The following NELL1 variants were observed in gnomAD, a reference collection of about 807,000 sequenced individuals.
NELL1 encodes protein kinase C-binding protein NELL1.
Under a neutral mutation model 107.4 loss-of-function variants are expected in NELL1, and 76 were observed. The observed-to-expected ratio is 0.71, with a 90% confidence interval of 0.59 to 0.86. NELL1 has a LOEUF of 0.86. Ranked by LOEUF, NELL1 falls within the 40% of genes least tolerant of loss-of-function variation. The pLI, the probability that NELL1 is intolerant of heterozygous loss-of-function variation, is 0.00. For synonymous variants in NELL1, 353 were observed against 341.2 expected (o/e 1.03, Z -0.38); for missense variants, 1,024 against 1,005.5 (o/e 1.02, Z -0.25).
chr11:20,794,568 AG>A (rs1386810819), intron 3 of NELL1, among the ~76,000 whole-genome samples: 2 of 152,278 alleles, frequency 1.3e-5, no homozygotes, highest in East Asian at 1.9e-4. Context: ...TGGCATCTGG[AG>A]GCTGAATTGA....
chr11:20,851,883 G>T (rs1447083312), intron 4 of NELL1, among the ~76,000 whole-genome samples: 1 of 152,224 alleles, frequency 6.6e-6, no homozygotes, highest in African/African-American at 2.4e-5. Context: ...CCTGGATGCA[G>T]ACAGGAGCCC....
intron 12 of NELL1, among the ~76,000 whole-genome samples, chr11:20,967,042 T>G (rs1431753954): frequency 6.6e-6 from 1 of 152,174 alleles, no homozygotes; most frequent in African/African-American, 2.4e-5. Flanking sequence ...GTTTTGTTTT[T>G]GTTTTGTTTT....
chr11:20,700,069 A>G (rs1179181792), intron 2 of NELL1, among the ~76,000 whole-genome samples: 1 of 152,102 alleles, frequency 6.6e-6, no homozygotes, highest in East Asian at 1.9e-4. Flanking sequence ...TGATGCTTTC[A>G]TTATCAGTCA....
intron 15 of NELL1, among the ~76,000 whole-genome samples, chr11:21,456,898 T>TC (rs965486104): frequency 3.0e-3 from 50 of 16,614 alleles, no homozygotes; most frequent in African/African-American, 0.011. Flanking sequence ...TGAGGTGTTT[T>TC]TTTTCTAAGA....
chr11:21,197,202 C>CTT (rs143247393), intron 13 of NELL1, among the ~76,000 whole-genome samples: 41 of 145,032 alleles, frequency 2.8e-4, no homozygotes, highest in East Asian at 1.4e-3. Flanking sequence ...TTAAGCCAGT[C>CTT]TTTTTTTTTT....
At chr11:21,260,060 GAT>G (rs1272721892) in intron 14 of NELL1, 1 of 151,828 alleles carries the variant, frequency 6.6e-6, no homozygotes, top group Non-Finnish European at 1.5e-5. Context: ...AGATGTGGTG[GAT>G]ATAGCAGGAA....
chr11:21,181,515 T>A (rs1314752157), intron 13 of NELL1, among the ~76,000 whole-genome samples: 1 of 151,894 alleles, frequency 6.6e-6, no homozygotes, highest in Non-Finnish European at 1.5e-5. Context: ...TGGAATCCCA[T>A]TTCAACTGCA....
intron 14 of NELL1, among the ~76,000 whole-genome samples, chr11:21,334,466 A>G (rs1010461479): frequency 6.6e-6 from 1 of 151,950 alleles, no homozygotes; most frequent in Admixed American, 6.6e-5. Flanking sequence ...TTATATTCAT[A>G]ATAGAGTATG....
At chr11:21,406,780 G>C (rs571992821) in intron 15 of NELL1, among the ~76,000 whole-genome samples, 1 of 151,974 alleles carries the variant, frequency 6.6e-6, no homozygotes, top group Non-Finnish European at 1.5e-5. Context: ...TCATATCAGA[G>C]TATTTAGGGT....
intron 12 of NELL1, among the ~76,000 whole-genome samples, chr11:21,111,300 T>C (rs901329817): frequency 1.3e-5 from 2 of 152,146 alleles, no homozygotes; most frequent in East Asian, 1.9e-4. Flanking sequence ...CTAATTAATG[T>C]TCTTTGAATG....
At chr11:21,305,946 C>G (rs952264250) in intron 14 of NELL1, among the ~76,000 whole-genome samples, 5 of 151,802 alleles carry the variant, frequency 3.3e-5, no homozygotes. Context: ...TCCAGAGAGC[C>G]CATACTCGCA....
intron 2 of NELL1, among the ~76,000 whole-genome samples, chr11:20,724,993 A>G (rs1372619080): frequency 6.6e-6 from 1 of 152,208 alleles, no homozygotes; most frequent in African/African-American, 2.4e-5. Flanking sequence ...CAGGAGAGAA[A>G]GAGAATGAGG....
intron 15 of NELL1, among the ~76,000 whole-genome samples, chr11:21,384,127 T>C (rs1013724218): frequency 6.6e-6 from 1 of 151,970 alleles, no homozygotes; most frequent in African/African-American, 2.4e-5. Flanking sequence ...TCATCTCTAA[T>C]CTAGATGATG....
At chr11:21,511,960 C>T (rs996749622) in intron 15 of NELL1, among the ~76,000 whole-genome samples, 2 of 152,276 alleles carry the variant, frequency 1.3e-5, no homozygotes, top group Non-Finnish European at 2.9e-5. Context: ...ACAAAGAGGA[C>T]ATAATTGGAA....
chr11:20,895,275 A>G (rs1400615174), intron 5 of NELL1, among the ~76,000 whole-genome samples: 27 of 63,670 alleles, frequency 4.2e-4, no homozygotes, highest in African/African-American at 2.8e-3. Context: ...CCGTCTCAAA[A>G]AAAAAAAAAA....
chr11:21,041,975 C>T (rs542120107), intron 12 of NELL1, among the ~76,000 whole-genome samples: 202 of 152,334 alleles, frequency 1.3e-3, no homozygotes, highest in African/African-American at 4.6e-3. Context: ...CCACATGTGG[C>T]ATGGTGATTC....
intron 12 of NELL1, among the ~76,000 whole-genome samples, chr11:20,969,998 A>G (rs1312817987): frequency 4.6e-5 from 7 of 151,882 alleles, no homozygotes; most frequent in Non-Finnish European, 8.8e-5. Context: ...CTAGAACACT[A>G]GAACACAGGT....
intron 13 of NELL1, among the ~76,000 whole-genome samples, chr11:21,152,616 T>A (rs552038558): frequency 6.6e-6 from 1 of 152,316 alleles, no homozygotes; most frequent in African/African-American, 2.4e-5. Flanking sequence ...TGTCAAGTTA[T>A]TAGCATTTTC....
At chr11:21,371,207 A>C (rs990426914) in intron 15 of NELL1, among the ~76,000 whole-genome samples, 1 of 152,058 alleles carries the variant, frequency 6.6e-6, no homozygotes, top group African/African-American at 2.4e-5. Context: ...CTCAGTGTGC[A>C]TTTTTAGTGC....
Sources: allele counts gnomAD v4.1 joint callset (sites outside exome capture counted in the v4.1 genomes callset), GRCh38; gene constraint gnomAD v4.1.1; transcripts MANE v1.5; gene names NCBI Gene and HGNC (gene_info 2026-07-23, HGNC 2026-07-21).